The following GNS variants were observed in gnomAD, a reference collection of about 807,000 sequenced individuals.
GNS encodes the protein N-acetylglucosamine-6-sulfatase.
A neutral mutation model predicts 69.7 loss-of-function variants in GNS; 40 were observed. That is an observed-to-expected ratio of 0.57 (90% CI 0.45 to 0.75). The LOEUF (loss-of-function observed/expected upper bound fraction) is 0.75, where lower values mean the gene tolerates loss of function less well. GNS is among the 30% of genes least tolerant of loss of function. The pLI is 0.00. For synonymous variants in GNS, 243 were observed against 251.6 expected, an observed-to-expected ratio of 0.97 and a Z score of 0.32; for missense variants, 565 against 685.5, an observed-to-expected ratio of 0.82 and a Z score of 1.96.
At position 64,745,664 on chromosome 12, in the gene GNS, C is replaced by T. The variant is rs1362859049; in HGVS notation, c.520G>A (p.Ala174Thr). ...AGACTTCAATAATCACTCACCAAGG[C>T]ATACCAGTAACTCCAACCCAGAGGA... is the stretch of plus-strand genomic sequence containing the variant. ...HVPLGWSYWY[A>T]LEKNSKYYNY... is the part of the protein sequence containing the mutation. The change falls in exon 4 of 14, where the codon GCC becomes ACC. Residue 174 changes from alanine (A) to threonine (T), a missense_variant. Physicochemically the swap from Ala to Thr is moderately conservative, Grantham distance 58 (BLOSUM62 0). Around this residue, in one of 2 missense-constraint regions of GNS, gnomAD observed 384 missense variants for 511.0 expected, o/e 0.75. Transcript: ENST00000258145. The T allele has an allele frequency of 6.3e-7, 1 of 1,582,330 alleles. No homozygotes were observed. Among genetic ancestry groups the T allele is most frequent in the African/African-American group, 1.3e-5 (1 of 74,312 alleles).
chr12:64,716,569 AAC>A lies in GNS; in HGVS notation c.*170_*171del. The stretch of plus-strand genomic sequence containing the variant: ...GACACATGGGCAGAGTTCACAGTTT[AAC>A]ACATTGCACGAGGAAGTCAGCTGAC... On this transcript the variant is annotated 3_prime_UTR_variant, in exon 14 of 14. Transcript: ENST00000258145. 1.5e-6 allele frequency: 1 copy of A among 675,622 alleles called. No individual in the cohort carries two copies. The highest frequency in any genetic ancestry group is 2.7e-6 in the Non-Finnish European group (1 of 368,572). The allele number at this position is 675,622 out of a possible 1,614,324, so 41.9% of individuals were successfully genotyped here. A position where few individuals can be genotyped will look rare whatever the true frequency, so the allele number is the denominator to read the frequency against.
intron 6 of GNS, among the ~76,000 whole-genome samples, chr12:64,742,060 T>A (rs1054639926): frequency 6.6e-6 from 1 of 152,158 alleles, no homozygotes; most frequent in Non-Finnish European, 1.5e-5. Context: ...TTGCACTGTT[T>A]CCCAGGCTGG....
chr12:64,739,331 G>T, intron 8 of GNS, 50 bp downstream of exon 8: 1 of 939,434 alleles, frequency 1.1e-6, no homozygotes, highest in Non-Finnish European at 1.8e-6. Context: ...GGGTGAAAAA[G>T]GAAAGACATA....
At chr12:64,757,630 G>C (rs953763793) in intron 1 of GNS, among the ~76,000 whole-genome samples, 1 of 152,128 alleles carries the variant, frequency 6.6e-6, no homozygotes, top group African/African-American at 2.4e-5. Context: ...AGACTCTCAA[G>C]CTCTTGAGCA....
chr12:64,719,355 G>T (rs567265223), intron 13 of GNS, among the ~76,000 whole-genome samples: 9 of 152,142 alleles, frequency 5.9e-5, no homozygotes, highest in Non-Finnish European at 1.3e-4. Context: ...TAAACTTCAT[G>T]ATCTTCAAGC....
intron 3 of GNS, 149 bp from the exon 4 acceptor site, chr12:64,745,873 G>C (rs1485913188): frequency 3.0e-6 from 2 of 673,114 alleles, no homozygotes; most frequent in Admixed American, 4.7e-5. Flanking sequence ...AAAAATAAAC[G>C]CTAATAATCC....
intron 8 of GNS, among the ~76,000 whole-genome samples, 177 bp from the exon 9 acceptor site, chr12:64,737,284 C>A (rs1869583288): frequency 6.6e-6 from 1 of 152,170 alleles, no homozygotes; most frequent in Non-Finnish European, 1.5e-5. Context: ...AGGAAAACAA[C>A]AAATTCATCT....
intron 7 of GNS, 138 bp downstream of exon 7, chr12:64,740,468 C>T: frequency 1.4e-6 from 1 of 691,172 alleles, no homozygotes; most frequent in Non-Finnish European, 2.6e-6. Flanking sequence ...TCTGGTGCCC[C>T]ATCGAAGCCT....
intron 3 of GNS, 29 bp downstream of exon 3, chr12:64,747,683 T>C (rs1421920994): frequency 3.4e-6 from 4 of 1,173,238 alleles, no homozygotes; most frequent in Admixed American, 3.4e-5. Context: ...AAAGCCATTA[T>C]AAAAAAAGAA....
chr12:64,757,512 T>C (rs1373192195), intron 1 of GNS, among the ~76,000 whole-genome samples: 1 of 152,162 alleles, frequency 6.6e-6, no homozygotes, highest in Non-Finnish European at 1.5e-5. Flanking sequence ...AAAATTAAAT[T>C]AAGACCAATG....
intron 5 of GNS, among the ~76,000 whole-genome samples, 172 bp from the exon 6 acceptor site, chr12:64,743,480 T>G (rs939989979): frequency 1.5e-4 from 23 of 152,262 alleles, no homozygotes; most frequent in African/African-American, 5.1e-4. Flanking sequence ...CAAATATATT[T>G]GTTTTTTAGG....
chr12:64,725,571 T>G (rs952339541), intron 10 of GNS, among the ~76,000 whole-genome samples: 1 of 152,188 alleles, frequency 6.6e-6, no homozygotes, highest in South Asian at 2.1e-4. Context: ...TTCATCGGAA[T>G]AGCCTCCAAA....
intron 12 of GNS, among the ~76,000 whole-genome samples, 166 bp downstream of exon 12, chr12:64,721,429 T>G (rs1347831627): frequency 6.6e-6 from 1 of 152,110 alleles, no homozygotes; most frequent in Non-Finnish European, 1.5e-5. Context: ...ATTAGAGAAG[T>G]GAGACATGGC....
At chr12:64,742,009 T>G (rs964822076) in intron 6 of GNS, among the ~76,000 whole-genome samples, 21 of 152,212 alleles carry the variant, frequency 1.4e-4, no homozygotes, top group Non-Finnish European at 1.8e-4. Context: ...TTATCTTATC[T>G]TGTCTCATCT....
chr12:64,730,434 C>CAAAAAAAAAAAAAAAAA (rs35692874), intron 9 of GNS, among the ~76,000 whole-genome samples: 2 of 43,392 alleles, frequency 4.6e-5, no homozygotes, highest in African/African-American at 1.0e-4. Context: ...ATATGAAAGG[C>CAAAAAAAAAAAAAAAAA]AAAAAAAAAA....
At chr12:64,739,310 C>T in intron 8 of GNS, 71 bp downstream of exon 8, 1 of 863,860 alleles carries the variant, frequency 1.2e-6, no homozygotes, top group Non-Finnish European at 2.0e-6. Context: ...AACTCCCTCC[C>T]AGGGCTCATT....
At chr12:64,739,563 CCA>C in intron 7 of GNS, 64 bp from the exon 8 acceptor site, 2 of 378,954 alleles carry the variant, frequency 5.3e-6, no homozygotes, top group Admixed American at 5.1e-5. Flanking sequence ...CACTATCTTG[CCA>C]AAAAAAAAAA....
chr12:64,731,356 C>T (rs899040832), intron 9 of GNS, among the ~76,000 whole-genome samples: 1 of 152,200 alleles, frequency 6.6e-6, no homozygotes, highest in African/African-American at 2.4e-5. Flanking sequence ...GGATTACAGG[C>T]GTGAGCCACT....
At chr12:64,717,319 TAC>T (rs1450491145) in intron 13 of GNS, among the ~76,000 whole-genome samples, 2 of 152,148 alleles carry the variant, frequency 1.3e-5, no homozygotes, top group African/African-American at 4.8e-5. Context: ...TGCTAAGACC[TAC>T]AAGAGCCTCA....
Sources: allele counts gnomAD v4.1 joint callset (sites outside exome capture counted in the v4.1 genomes callset), GRCh38; gene constraint gnomAD v4.1.1; regional missense constraint gnomAD v4.1.1; transcripts MANE v1.5; gene names NCBI Gene and HGNC (gene_info 2026-07-23, HGNC 2026-07-21).